Variants in NISCH observed in about 807,000 individuals in gnomAD.
The protein encoded by NISCH is I-1 receptor candidate protein.
NISCH carries 55 observed loss-of-function variants against 138.4 expected under a neutral mutation model. The ratio of observed to expected loss-of-function variants is 0.40; its 90% CI spans 0.32 to 0.50. NISCH has a LOEUF of 0.50. Ranked by LOEUF, NISCH falls within the 20% of genes least tolerant of loss-of-function variation. The pLI is 0.71. For synonymous variants in NISCH, 860 were observed against 861.5 expected (o/e 1.00, Z 0.03); for missense variants, 1,643 against 2,005.5 (o/e 0.82, Z 3.45).
At position 52,484,604 on chromosome 3, in the gene NISCH, T is replaced by C. The variant is rs757975244; in HGVS notation, c.1620T>C (p.Cys540=). Residue 540 remains cysteine, a synonymous_variant, in exon 14 of 21, where the codon TGT becomes TGC. Coordinates refer to ENST00000345716, the MANE Select transcript of NISCH (RefSeq NM_007184.4). ...TPEHQPIAQG[C]SDSLESIPAG... Reference sequence around the variant, plus strand: ...AGCACCAGCCCATTGCCCAGGGATGTTCTGATTCCTTGGAGTCCATCCCTG... The same window carrying C: ...AGCACCAGCCCATTGCCCAGGGATGCTCTGATTCCTTGGAGTCCATCCCTG... 4 of 1,613,862 alleles carry C rather than the reference T, an allele frequency of 2.5e-6. No homozygotes were observed. In the East Asian group the frequency reaches 8.9e-5, roughly 36 times the overall value.
chr3:52,470,092 A>G (rs1258209477), intron 3 of NISCH, among the ~76,000 whole-genome samples: 1 of 151,354 alleles, frequency 6.6e-6, no homozygotes, highest in Non-Finnish European at 1.5e-5. Context: ...TCTATTTAAA[A>G]AAAAAAAAAA....
At chr3:52,464,604 A>C (rs1370256167) in intron 3 of NISCH, among the ~76,000 whole-genome samples, 1 of 131,398 alleles carries the variant, frequency 7.6e-6, no homozygotes, top group Non-Finnish European at 1.5e-5. Flanking sequence ...GACTCACTGC[A>C]ACCTCCACCC....
intron 2 of NISCH, 25 bp downstream of exon 2, chr3:52,457,951 G>A (rs773606805): frequency 1.5e-5 from 23 of 1,567,314 alleles, no homozygotes; most frequent in Admixed American, 3.4e-5. Context: ...CTGGGAGCAC[G>A]TATCTCAGGG....
Position 52,487,497 on chromosome 3 carries a change from G to C in NISCH, c.2005G>C (p.Gly669Arg). The stretch of plus-strand genomic sequence containing the variant: ...AGACGTGGAGGAGGAGGAGGGAGGA[G>C]GCCAGGGGGAGGAAGAGGAGGAGGA... ...PPDVEEEEGGGQGEEEEEEEE... is the reference protein window; with the variant it reads ...PPDVEEEEGGRQGEEEEEEEE... The change falls in exon 16 of 21, where the codon GGC (glycine) becomes CGC (arginine). Residue 669 changes from glycine (G) to arginine (R), a missense_variant. Transcript: ENST00000345716. This position sits in a 1 kb window ranked among gnomAD's most constrained non-coding sequence, Gnocchi z 9.1. The C allele has an allele frequency of 6.2e-7, 1 of 1,602,906 alleles. No individual in the cohort carries two copies. The highest frequency in any genetic ancestry group is 8.5e-7 in the Non-Finnish European group (1 of 1,172,608).
chr3:52,488,169 T>G lies in NISCH; in HGVS notation c.2677T>G (p.Ser893Ala), dbSNP rs770597830. 6.2e-7 allele frequency: 1 copy of G among 1,613,326 alleles called. No individual in the cohort carries two copies. Among genetic ancestry groups the G allele is most frequent in the Non-Finnish European group, 8.5e-7 (1 of 1,179,954 alleles). The change falls in exon 16 of 21, where the codon TCC becomes GCC. Residue 893 changes from serine to alanine, a missense_variant. Physicochemically the swap from Ser to Ala is moderately conservative, Grantham distance 99 (BLOSUM62 1). Transcript: ENST00000345716. ...SCTLCSAVRRSCCAPSEAVKS... is the reference protein window; with the variant it reads ...SCTLCSAVRRACCAPSEAVKS... ...CACACTCTGTTCAGCCGTGCGGCGC[T>G]CCTGCTGCGCGCCCTCTGAGGCCGT...
chr3:52,462,987 C>T (rs896912530), intron 3 of NISCH, among the ~76,000 whole-genome samples: 1 of 152,172 alleles, frequency 6.6e-6, no homozygotes, highest in Non-Finnish European at 1.5e-5. Flanking sequence ...ATAAAATTAA[C>T]TTTTTAATGT....
rs1174118154 is a variant in NISCH, at chr3:52,476,535, C to T, written c.854C>T (p.Thr285Ile). The T allele has an allele frequency of 2.5e-6, 4 of 1,614,042 alleles. No individual in the cohort carries two copies. The highest frequency in any genetic ancestry group is 3.4e-6 in the Non-Finnish European group (4 of 1,179,998). ...GGCCCTGTGACTGCCGTCATCCCCACTTGGCAGGCATTGACCACGCTTGAC... is the reference window on the plus strand; with the variant it reads ...GGCCCTGTGACTGCCGTCATCCCCATTTGGCAGGCATTGACCACGCTTGAC... ...LEGPVTAVIPTWQALTTLDLS... is the reference protein window; with the variant it reads ...LEGPVTAVIPIWQALTTLDLS... The change falls in exon 8 of 21, where the codon ACT (threonine) becomes ATT (isoleucine). Residue 285 changes from threonine (T) to isoleucine (I), a missense_variant. By Grantham distance (89) the Thr-to-Ile change is moderately conservative. Transcript: ENST00000345716.
At chr3:52,474,838 C>A (rs1707055781) in intron 7 of NISCH, among the ~76,000 whole-genome samples, 1 of 152,162 alleles carries the variant, frequency 6.6e-6, no homozygotes, top group Non-Finnish European at 1.5e-5. Context: ...CTTTAGCAAT[C>A]CCTGGCTAAG....
intron 1 of NISCH, among the ~76,000 whole-genome samples, chr3:52,456,302 G>A (rs1332535731): frequency 6.6e-6 from 1 of 152,118 alleles, no homozygotes; most frequent in Non-Finnish European, 1.5e-5. Context: ...AAGACCGGAG[G>A]AGGGGTGGAG....
chr3:52,485,907 A>G, intron 15 of NISCH, 80 bp downstream of exon 15: 2 of 1,424,662 alleles, frequency 1.4e-6, no homozygotes, highest in Non-Finnish European at 1.9e-6. Flanking sequence ...AGGGGTGGCC[A>G]GTCAGGTTTT....
intron 3 of NISCH, among the ~76,000 whole-genome samples, chr3:52,463,010 AG>A (rs1430580825): frequency 1.3e-5 from 2 of 152,224 alleles, no homozygotes; most frequent in African/African-American, 4.8e-5. Context: ...ACAATTCAGT[AG>A]TTTTTAGTAT....
intron 3 of NISCH, among the ~76,000 whole-genome samples, chr3:52,468,305 T>C (rs1170829143): frequency 1.3e-5 from 2 of 152,058 alleles, no homozygotes; most frequent in African/African-American, 2.4e-5. Context: ...TCAGTACTGA[T>C]CGTGGGGAAC....
chr3:52,477,438 C>T, intron 8 of NISCH, 136 bp from the exon 9 acceptor site: 1 of 679,828 alleles, frequency 1.5e-6, no homozygotes, highest in Non-Finnish European at 2.6e-6. Flanking sequence ...GATGTCCCAC[C>T]AGTGGTCCTG....
intron 14 of NISCH, 35 bp from the exon 15 acceptor site, chr3:52,485,743 T>A: frequency 6.4e-7 from 1 of 1,561,258 alleles, no homozygotes; most frequent in Non-Finnish European, 8.7e-7. Flanking sequence ...CTGGCTGCAG[T>A]AGGTGGGGAC....
chr3:52,476,357 G>A, intron 7 of NISCH, 90 bp from the exon 8 acceptor site: 4 of 1,421,860 alleles, frequency 2.8e-6, no homozygotes, highest in South Asian at 2.4e-5. Context: ...ATATGCTCCA[G>A]CCCTTCCTTA....
At chr3:52,463,601 C>T (rs550568798) in intron 3 of NISCH, among the ~76,000 whole-genome samples, 1 of 151,570 alleles carries the variant, frequency 6.6e-6, no homozygotes, top group South Asian at 2.1e-4. Flanking sequence ...CACATTCTTG[C>T]TTAACACTTC....
chr3:52,480,460 A>C, intron 13 of NISCH, 165 bp downstream of exon 13: 5 of 1,536,756 alleles, frequency 3.3e-6, no homozygotes, highest in Non-Finnish European at 3.5e-6. Context: ...GACACATGGC[A>C]GGGGTGCCTG....
chr3:52,490,676 CTCCCTCTG>C, intron 18 of NISCH, 21 bp from the exon 19 acceptor site: 4 of 1,614,024 alleles, frequency 2.5e-6, no homozygotes, highest in Non-Finnish European at 3.4e-6. Context: ...CTGCCACCGC[CTCCCTCTG>C]TCCCTTTCTC....
intron 3 of NISCH, among the ~76,000 whole-genome samples, chr3:52,462,282 C>T (rs1262254478): frequency 6.6e-6 from 1 of 152,200 alleles, no homozygotes; most frequent in Non-Finnish European, 1.5e-5. Flanking sequence ...TAATTTGTTT[C>T]TGTAAGGAGC....
Sources: allele counts gnomAD v4.1 joint callset (sites outside exome capture counted in the v4.1 genomes callset), GRCh38; gene constraint gnomAD v4.1.1; non-coding constraint Gnocchi (gnomAD v3.1); transcripts MANE v1.5; gene names NCBI Gene and HGNC (gene_info 2026-07-23, HGNC 2026-07-21).